Variants in CHLSN observed in about 807,000 individuals in gnomAD.
CHLSN encodes the protein protein cholesin.
chr7:1,103,196 G>GC, the CHLSN span, among the ~76,000 whole-genome samples: 2 of 152,212 alleles, frequency 1.3e-5, no homozygotes, highest in Non-Finnish European at 2.9e-5. Flanking sequence ...CGTTTACGTG[G>GC]CTATCCAAAC....
the CHLSN span, among the ~76,000 whole-genome samples, chr7:1,095,126 C>T: frequency 6.6e-6 from 1 of 152,106 alleles, no homozygotes; most frequent in East Asian, 1.9e-4. Flanking sequence ...CCAGAGCCTG[C>T]CCTGCAAGTC....
chr7:980,003 CT>C, the CHLSN span, among the ~76,000 whole-genome samples: 1 of 152,252 alleles, frequency 6.6e-6, no homozygotes, highest in Admixed American at 6.5e-5. Flanking sequence ...GCAAACACGG[CT>C]TCTGGCCTCT....
the CHLSN span, among the ~76,000 whole-genome samples, chr7:1,003,346 G>GT: frequency 1.5e-5 from 1 of 65,182 alleles, no homozygotes; most frequent in Non-Finnish European, 3.0e-5. Flanking sequence ...CCTGTGGGTG[G>GT]GGAGTCCTGT....
At chr7:1,051,116 T>G in the CHLSN span, among the ~76,000 whole-genome samples, 2 of 152,178 alleles carry the variant, frequency 1.3e-5, no homozygotes, top group African/African-American at 4.8e-5. Context: ...CTCGGAGGCT[T>G]CATACAGCTC....
chr7:1,081,683 G>A, the CHLSN span, among the ~76,000 whole-genome samples: 6 of 139,422 alleles, frequency 4.3e-5, no homozygotes, highest in East Asian at 2.0e-4. Context: ...TGGAAGCCCC[G>A]ACCCAGACAA....
the CHLSN span, among the ~76,000 whole-genome samples, chr7:996,013 G>T: frequency 6.6e-6 from 1 of 152,242 alleles, no homozygotes; most frequent in Non-Finnish European, 1.5e-5. Context: ...CATAGAGATG[G>T]CCTGAGTGGT....
the CHLSN span, among the ~76,000 whole-genome samples, chr7:1,125,357 A>C: frequency 6.6e-6 from 1 of 152,188 alleles, no homozygotes; most frequent in African/African-American, 2.4e-5. Context: ...CATGAAAAAC[A>C]GGGCCACCTG....
chr7:1,045,152 A>T, the CHLSN span, among the ~76,000 whole-genome samples: 6 of 152,266 alleles, frequency 3.9e-5, no homozygotes, highest in African/African-American at 1.4e-4. Context: ...AGTGCTCTCC[A>T]GCCGCCAAAC....
At chr7:982,567 C>T in the CHLSN span, among the ~76,000 whole-genome samples, 1 of 152,248 alleles carries the variant, frequency 6.6e-6, no homozygotes, top group Non-Finnish European at 1.5e-5. Flanking sequence ...CCTGCCCGGG[C>T]GGCAGCCCTC....
the CHLSN span, among the ~76,000 whole-genome samples, chr7:980,133 G>A: frequency 1.3e-5 from 2 of 152,190 alleles, no homozygotes; most frequent in Non-Finnish European, 2.9e-5. Flanking sequence ...TCTGGAAGCC[G>A]CCATCTGCCA....
chr7:1,055,297 C>T, the CHLSN span: 1 of 471,080 alleles, frequency 2.1e-6, no homozygotes, highest in Admixed American at 2.3e-5. Context: ...GTGCTTGCAT[C>T]CTGGGGCCCT....
chr7:1,009,474 C>T, the CHLSN span, among the ~76,000 whole-genome samples: 3 of 152,072 alleles, frequency 2.0e-5, no homozygotes, highest in Admixed American at 2.0e-4. Flanking sequence ...AGGCACCATC[C>T]ACCCAGCCAC....
chr7:1,135,083 C>T, the CHLSN span, among the ~76,000 whole-genome samples: 1 of 152,122 alleles, frequency 6.6e-6, no homozygotes, highest in Non-Finnish European at 1.5e-5. Flanking sequence ...TCTTGACAGG[C>T]ATTTTTCACT....
the CHLSN span, chr7:987,574 A>T: frequency 2.1e-6 from 3 of 1,463,146 alleles, no homozygotes; most frequent in Non-Finnish European, 1.8e-6. Context: ...CCTCTGGGGT[A>T]GGCCTCGGCG....
At chr7:1,017,736 G>A in the CHLSN span, among the ~76,000 whole-genome samples, 1 of 151,912 alleles carries the variant, frequency 6.6e-6, no homozygotes, top group East Asian at 1.9e-4. Context: ...GGCGGGATAA[G>A]GGGCAGCCGC....
chr7:1,057,911 A>G, the CHLSN span: 2 of 775,504 alleles, frequency 2.6e-6, no homozygotes, highest in Non-Finnish European at 2.4e-6. Flanking sequence ...TCGAGCGTGC[A>G]CTGCCGCGGA....
chr7:1,058,134 C>G, the CHLSN span: 1 of 750,736 alleles, frequency 1.3e-6, no homozygotes, highest in Admixed American at 1.8e-5. Flanking sequence ...CCTCTACGCG[C>G]TGGTGCTACT....
At chr7:1,117,699 C>T in the CHLSN span, among the ~76,000 whole-genome samples, 29 of 145,744 alleles carry the variant, frequency 2.0e-4, no homozygotes, top group African/African-American at 6.4e-4. Context: ...TACAGCTCTA[C>T]GGACCGGCTT....
chr7:1,059,851 G>T, the CHLSN span, among the ~76,000 whole-genome samples: 552 of 36,620 alleles, frequency 0.015, 22 homozygotes, highest in Middle Eastern at 0.029. Flanking sequence ...AGGCGGGTCC[G>T]TAGTGGGGCG....
Sources: gnomAD v4.1 joint callset for allele counts (sites outside exome capture counted in the v4.1 genomes callset) on GRCh38, gnomAD v4.1.1 for gene constraint, MANE v1.5 for transcripts, NCBI Gene and HGNC (gene_info 2026-07-23, HGNC 2026-07-21) for gene names.